The following TRMT11 variants were observed in gnomAD, a reference collection of about 807,000 sequenced individuals.
The protein encoded by TRMT11 is tRNA methyltransferase 11.
In TRMT11, 53 loss-of-function variants were observed where a neutral mutation model predicts 62.8. The ratio of observed to expected loss-of-function variants is 0.84; its 90% CI spans 0.68 to 1.06. The LOEUF is 1.06. TRMT11 is among the 50% of genes least tolerant of loss of function. TRMT11 has a pLI of 0.00. For synonymous variants in TRMT11, 188 were observed against 190.3 expected (o/e 0.99, Z 0.10); for missense variants, 556 against 553.4 (o/e 1.00, Z -0.05).
intron 17 of TRMT11, among the ~76,000 whole-genome samples, chr6:126,089,855 G>A (rs1383764462): frequency 6.6e-6 from 1 of 152,200 alleles, no homozygotes; most frequent in Admixed American, 6.5e-5. Flanking sequence ...GTTAAAAGAT[G>A]AGAAAGAGCA....
chr6:126,215,281 G>A, the TRMT11 span, among the ~76,000 whole-genome samples: 1 of 151,964 alleles, frequency 6.6e-6, no homozygotes, highest in Non-Finnish European at 1.5e-5. Context: ...TGCTGAAAGT[G>A]GGGTGTTGAA....
intron 17 of TRMT11, among the ~76,000 whole-genome samples, chr6:126,061,259 C>T (rs1776527818): frequency 6.6e-6 from 1 of 152,196 alleles, no homozygotes; most frequent in South Asian, 2.1e-4. Flanking sequence ...CGGGTGATTT[C>T]TGTGGATGTT....
chr6:126,084,964 C>T (rs1465620800), intron 17 of TRMT11, among the ~76,000 whole-genome samples: 1 of 152,118 alleles, frequency 6.6e-6, no homozygotes, highest in Non-Finnish European at 1.5e-5. Flanking sequence ...AAAAGGCACA[C>T]ACTTTTGCTT....
At chr6:126,126,825 G>A (rs1777724969) in intron 21 of TRMT11, among the ~76,000 whole-genome samples, 1 of 152,094 alleles carries the variant, frequency 6.6e-6, no homozygotes. Context: ...CTAGGGTCCT[G>A]TGATGGTTAT....
intron 17 of TRMT11, among the ~76,000 whole-genome samples, chr6:126,074,194 G>A (rs1442284112): frequency 1.3e-5 from 2 of 152,162 alleles, no homozygotes; most frequent in African/African-American, 2.4e-5. Context: ...TAATTTAATA[G>A]TGAACAATAT....
chr6:126,157,194 T>C (rs2128226259), intron 21 of TRMT11, among the ~76,000 whole-genome samples: 1 of 152,228 alleles, frequency 6.6e-6, no homozygotes, highest in African/African-American at 2.4e-5. Context: ...CTCTGATACC[T>C]CGTCCACACT....
the TRMT11 span, among the ~76,000 whole-genome samples, chr6:126,254,168 G>T: frequency 1.3e-5 from 2 of 152,190 alleles, no homozygotes; most frequent in African/African-American, 4.8e-5. Context: ...ACAGAGAATG[G>T]CTACTGCAGA....
chr6:126,257,650 T>C, the TRMT11 span, among the ~76,000 whole-genome samples: 1 of 152,168 alleles, frequency 6.6e-6, no homozygotes, highest in Non-Finnish European at 1.5e-5. Flanking sequence ...ATTCGAGACT[T>C]TTTATTATTT....
chr6:126,169,540 C>T (rs1177748545), intron 21 of TRMT11, among the ~76,000 whole-genome samples: 1 of 152,152 alleles, frequency 6.6e-6, no homozygotes, highest in Non-Finnish European at 1.5e-5. Flanking sequence ...GTTTTGACTG[C>T]CTGGATCAGT....
intron 5 of TRMT11, 61 bp downstream of exon 5, chr6:125,998,376 A>G: frequency 1.5e-6 from 2 of 1,294,024 alleles, no homozygotes; most frequent in Non-Finnish European, 1.1e-6. Flanking sequence ...CATTGTTGAT[A>G]TATAGGAATA....
chr6:126,096,565 T>A (rs1031160975), intron 17 of TRMT11, among the ~76,000 whole-genome samples: 3 of 151,530 alleles, frequency 2.0e-5, no homozygotes, highest in Non-Finnish European at 2.9e-5. Flanking sequence ...TTTTTTTTTT[T>A]ATGAGAATCA....
chr6:126,090,734 T>G (rs1161233106), intron 17 of TRMT11, among the ~76,000 whole-genome samples: 5 of 152,214 alleles, frequency 3.3e-5, no homozygotes, highest in Non-Finnish European at 7.3e-5. Flanking sequence ...GACATTCATT[T>G]GCGGCATTTC....
chr6:126,124,505 C>G (rs1270738524), intron 21 of TRMT11, among the ~76,000 whole-genome samples: 1 of 152,048 alleles, frequency 6.6e-6, no homozygotes, highest in African/African-American at 2.4e-5. Context: ...TAGGTGGGGT[C>G]TTTTTATGGG....
chr6:126,140,805 T>C (rs1417870829), intron 21 of TRMT11, among the ~76,000 whole-genome samples: 2 of 152,060 alleles, frequency 1.3e-5, no homozygotes, highest in Non-Finnish European at 2.9e-5. Context: ...CTCAGTGAAG[T>C]TAGTTATTTT....
At position 126,156,371 on chromosome 6, in the gene TRMT11, G is replaced by T. The variant is rs974749619; in HGVS notation, c.*1824-18454G>T. Among the ~76,000 whole-genome samples the T allele has an allele frequency of 2.0e-5, 3 of 152,276 alleles. No homozygotes were observed. In the South Asian group the frequency reaches 6.2e-4, roughly 32 times the overall value. On this transcript the variant is annotated intron_variant and NMD_transcript_variant, in intron 21 of 22. Coordinates refer to the TRMT11 transcript ENST00000648977. ...CTGCCCTCGTAGAGTTTCTCTGTGG[G>T]GGCAACACCCATATAGCAGGCTTCT...
intron 21 of TRMT11, among the ~76,000 whole-genome samples, chr6:126,142,839 C>G (rs1234058941): frequency 6.6e-6 from 1 of 151,936 alleles, no homozygotes; most frequent in Non-Finnish European, 1.5e-5. Context: ...CTTGGTAGTT[C>G]CCATAAATGT....
At chr6:126,065,416 A>C (rs1776660563) in intron 17 of TRMT11, among the ~76,000 whole-genome samples, 1 of 151,768 alleles carries the variant, frequency 6.6e-6, no homozygotes, top group African/African-American at 2.4e-5. Flanking sequence ...TTCGTGTTTC[A>C]CTCACTGGTA....
At chr6:126,219,053 T>C in the TRMT11 span, among the ~76,000 whole-genome samples, 1 of 152,170 alleles carries the variant, frequency 6.6e-6, no homozygotes, top group Non-Finnish European at 1.5e-5. Flanking sequence ...AGATTCTCCG[T>C]GCCATGTGGC....
At chr6:126,051,417 G>C (rs540622588) in intron 16 of TRMT11, among the ~76,000 whole-genome samples, 10 of 152,192 alleles carry the variant, frequency 6.6e-5, no homozygotes, top group African/African-American at 2.4e-4. Flanking sequence ...GCAGGAAGGG[G>C]TTTGCATTTC....
Sources: gnomAD v4.1 joint callset for allele counts (sites outside exome capture counted in the v4.1 genomes callset) on GRCh38, gnomAD v4.1.1 for gene constraint, MANE v1.5 for transcripts, NCBI Gene and HGNC (gene_info 2026-07-23, HGNC 2026-07-21) for gene names.